Variants in VWA2 observed in about 807,000 individuals in gnomAD.
VWA2 encodes von Willebrand factor A domain containing 2, also known as von Willebrand factor A domain-containing protein 2.
Under a neutral mutation model 70.4 loss-of-function variants are expected in VWA2, and 73 were observed. The observed-to-expected ratio is 1.04, with a 90% CI of 0.86 to 1.26. The LOEUF is 1.26. VWA2 is among the 50% of genes most tolerant of loss of function. VWA2 has a pLI of 0.00. For missense variants in VWA2, 1,011 were observed against 998.5 expected, an observed-to-expected ratio of 1.01 and a Z score of -0.17; for synonymous variants, 407 against 423.3, an observed-to-expected ratio of 0.96 and a Z score of 0.47.
intron 9 of VWA2, 44 bp from the exon 10 acceptor site, chr10:114,284,817 CCT>C (rs1020016889): frequency 1.3e-6 from 2 of 1,546,454 alleles, no homozygotes; most frequent in African/African-American, 2.8e-5. Flanking sequence ...CCTCTCCACT[CCT>C]CTGTGCTGCG....
chr10:114,252,233 G>A (rs1357417839), intron 2 of VWA2, among the ~76,000 whole-genome samples: 1 of 152,104 alleles, frequency 6.6e-6, no homozygotes, highest in Non-Finnish European at 1.5e-5. Flanking sequence ...GTCTCTGGTG[G>A]CAAAACAGCA....
rs1348572253 is a variant in VWA2, at chr10:114,289,216, A to C, written c.1849A>C (p.Ile617Leu). 6.2e-7 allele frequency: 1 copy of C among 1,613,836 alleles called. No homozygotes were observed. The highest frequency in any genetic ancestry group is 2.2e-5 in the East Asian group (1 of 44,872). ...VGSAGTALLH[I>L]YDKVMTVQRG... is the part of the protein sequence containing the mutation. ...CTCAGCCGGCACCGCCCTGCTGCAC[A>C]TCTATGACAAAGTGATGACCGTCCA... The change falls in exon 12 of 14, where the codon ATC becomes CTC. Residue 617 changes from isoleucine (I) to leucine (L), a missense_variant. Coordinates refer to ENST00000392982, the MANE Select transcript of VWA2 (RefSeq NM_001272046.2).
chr10:114,258,534 T>C (rs1179612210), intron 4 of VWA2, among the ~76,000 whole-genome samples: 2 of 152,210 alleles, frequency 1.3e-5, no homozygotes, highest in Admixed American at 1.3e-4. Context: ...TTAAACAAAA[T>C]GCTTTAACTA....
rs570510812 is a variant in VWA2 at position 114,246,505 on chromosome 10, C to CAAAAAAAAAAAAAAAAA, written c.-10-2195_-10-2179dup. 369 of 384,844 alleles carry CAAAAAAAAAAAAAAAAA rather than the reference C, an allele frequency of 9.6e-4. 7 individuals are homozygous for CAAAAAAAAAAAAAAAAA. The highest frequency in any genetic ancestry group is 1.2e-3 in the Non-Finnish European group (273 of 233,242). The allele number at this position is 384,844 out of a possible 1,614,324, so 23.8% of individuals were successfully genotyped here. ...AACAAGAGTGAAAGAAACTCCATCT[C>CAAAAAAAAAAAAAAAAA]AAAAAAAAAAAAAAAAAAAACGAGT... On this transcript the variant is annotated intron_variant, in intron 1 of 13. Transcript: ENST00000392982.
chr10:114,260,581 G>T (rs2037424578), intron 4 of VWA2, among the ~76,000 whole-genome samples: 1 of 152,186 alleles, frequency 6.6e-6, no homozygotes, highest in Non-Finnish European at 1.5e-5. Context: ...GGCAGCCCCA[G>T]TTGGGTCAGT....
rs1463146467 is a variant in VWA2, at chr10:114,278,163, CAG to C, written c.700+120_700+121del. 22 of 1,388,424 alleles carry C rather than the reference CAG, an allele frequency of 1.6e-5. No homozygotes were observed. The Middle Eastern group carries it at 1.3e-3, about 82-fold the overall frequency. 86.0% of individuals were successfully genotyped at this position (1,388,424 alleles called of 1,614,324 possible). A position where few individuals can be genotyped will look rare whatever the true frequency, so the allele number is the denominator to read the frequency against. On this transcript the variant is annotated intron_variant, in intron 7 of 13. Transcript: ENST00000392982. ...AAGGATGGAGGGCAGGCAAGAGAAA[CAG>C]AGACCGGCAGCCTCCACCCTGGATG...
intron 1 of VWA2, chr10:114,246,048 C>A: frequency 1.6e-6 from 1 of 627,084 alleles, no homozygotes; most frequent in African/African-American, 1.8e-5. Context: ...CTCTCTGTGG[C>A]ACCCTGGACT....
At chr10:114,248,910 A>G (rs2037134851) in intron 2 of VWA2, 145 bp downstream of exon 2, 7 of 814,704 alleles carry the variant, frequency 8.6e-6, no homozygotes, top group Admixed American at 5.5e-5. Context: ...AGTCCAAGCC[A>G]TGTCATCTTG....
In VWA2 at chr10:114,286,368, TG is replaced by T; in HGVS notation, c.1430del (p.Gly477ValfsTer2). 1 of 1,613,916 alleles carries T rather than the reference TG, an allele frequency of 6.2e-7. No homozygotes were observed. Among genetic ancestry groups the T allele is most frequent in the African/African-American group, 1.3e-5 (1 of 75,080 alleles). On this transcript the variant is annotated frameshift_variant, in exon 11 of 14. Transcript: ENST00000392982. LOFTEE classifies it high-confidence loss of function. ...RHARARELLLLGVGSEAVRAE... is the reference protein window; with the variant it reads ...RHARARELLLXGVGSEAVRAE... ...GCAAGGGCGCGAGAGCTGCTCCTGC[TG>T]GGTGTAGGCAGTGAGGCCGTGCGGG...
intron 2 of VWA2, 48 bp downstream of exon 2, chr10:114,248,813 G>C (rs746724706): frequency 1.3e-6 from 2 of 1,559,226 alleles, no homozygotes; most frequent in Non-Finnish European, 1.8e-6. Flanking sequence ...TGTTGAGTAG[G>C]GGGGTTGCTT....
chr10:114,290,708 G>A (rs2039503315), intron 13 of VWA2, among the ~76,000 whole-genome samples: 1 of 142,592 alleles, frequency 7.0e-6, no homozygotes, highest in Non-Finnish European at 1.5e-5. Context: ...CCACAGTTAG[G>A]AGCACAGTAG....
At chr10:114,271,850 C>G (rs958566197) in intron 5 of VWA2, among the ~76,000 whole-genome samples, 25 of 152,256 alleles carry the variant, frequency 1.6e-4, no homozygotes, top group Admixed American at 1.2e-3. Flanking sequence ...TGTTGATAAC[C>G]ACAGTAATTC....
intron 1 of VWA2, among the ~76,000 whole-genome samples, chr10:114,248,249 A>G (rs535707884): frequency 6.6e-6 from 1 of 152,162 alleles, no homozygotes; most frequent in African/African-American, 2.4e-5. Context: ...ACCACATTAG[A>G]AGGTTTCAGA....
intron 6 of VWA2, among the ~76,000 whole-genome samples, chr10:114,275,224 G>A (rs2037807708): frequency 6.6e-6 from 1 of 152,190 alleles, no homozygotes; most frequent in Non-Finnish European, 1.5e-5. Context: ...GTAAGGTGGG[G>A]ACATCCAGGA....
chr10:114,279,156 A>G (rs887944064), intron 8 of VWA2, among the ~76,000 whole-genome samples: 1 of 152,054 alleles, frequency 6.6e-6, no homozygotes, highest in Non-Finnish European at 1.5e-5. Flanking sequence ...CACTTGGGAT[A>G]TTGATTTGGT....
chr10:114,281,785 A>T (rs2038140481), intron 8 of VWA2: 2 of 980,688 alleles, frequency 2.0e-6, no homozygotes, highest in African/African-American at 3.5e-5. Context: ...TAAGGAATAC[A>T]GTTGAAAAGT....
Position 114,291,988 on chromosome 10 carries a change from G to A in VWA2, c.*751G>A, listed in dbSNP as rs2039644760. ...CACCTGAAGGGTCTTCCTTTCAAAA[G>A]AGGCTGCGGCCAGAGACTGTGGCTC... On this transcript the variant is annotated 3_prime_UTR_variant, in exon 14 of 14. Coordinates refer to ENST00000392982, the MANE Select transcript of VWA2 (RefSeq NM_001272046.2). 6.6e-6 allele frequency among the ~76,000 whole-genome samples: 1 copy of A among 152,216 alleles called. No individual in the cohort carries two copies.
intron 1 of VWA2, chr10:114,246,630 A>G: frequency 6.6e-7 from 1 of 1,510,146 alleles, no homozygotes; most frequent in South Asian, 1.1e-5. Flanking sequence ...CAATGCTCAG[A>G]GAAGTACTTG....
rs143390698 is a variant in VWA2 at position 114,272,816 on chromosome 10, G to A, written c.448G>A (p.Val150Met). The A allele has an allele frequency of 6.2e-5, 100 of 1,613,962 alleles. No individual in the cohort carries two copies. In the African/African-American group the frequency reaches 1.2e-3, roughly 20 times the overall value. ...GTTGCCTGGAGGCAGAAATGCTTCTGTGCCCCAGATCCTCATCATCGTCAC... is the reference window on the plus strand; with the variant it reads ...GTTGCCTGGAGGCAGAAATGCTTCTATGCCCCAGATCCTCATCATCGTCAC... ...RGLPGGRNAS[V>M]PQILIIVTDG... The change falls in exon 6 of 14, where the codon GTG (valine) becomes ATG (methionine). Residue 150 changes from valine (V) to methionine (M), a missense_variant. Transcript: ENST00000392982.
Sources: gnomAD v4.1 joint callset for allele counts (sites outside exome capture counted in the v4.1 genomes callset) on GRCh38, gnomAD v4.1.1 for gene constraint, MANE v1.5 for transcripts, NCBI Gene and HGNC (gene_info 2026-07-23, HGNC 2026-07-21) for gene names.